Variants in ANO6 observed in about 807,000 individuals in gnomAD.
ANO6 encodes the protein anoctamin 6.
Under a neutral mutation model 117.5 loss-of-function variants are expected in ANO6, and 106 were observed. That is an observed-to-expected ratio of 0.90 (90% CI 0.77 to 1.06). The LOEUF is 1.06. Among genes scored for constraint, ANO6 ranks in the 50% least tolerant of loss-of-function variants. The pLI, the probability that ANO6 is intolerant of heterozygous loss-of-function variation, is 0.00. For synonymous variants in ANO6, 367 were observed against 385.1 expected, an observed-to-expected ratio of 0.95 and a Z score of 0.55; for missense variants, 955 against 1,121.1, an observed-to-expected ratio of 0.85 and a Z score of 2.12.
chr12:45,255,904 T>C (rs528092034), intron 1 of ANO6, among the ~76,000 whole-genome samples: 1 of 143,080 alleles, frequency 7.0e-6, no homozygotes, highest in African/African-American at 2.6e-5. Context: ...CACTGCAACC[T>C]CTGCCTCCTG....
At chr12:45,270,436 T>A in intron 1 of ANO6, 1 of 1,523,118 alleles carries the variant, frequency 6.6e-7, no homozygotes, top group East Asian at 2.5e-5. Flanking sequence ...GCCTGTTGTA[T>A]TTATTGATGC....
chr12:45,342,285 A>G (rs1312803534), intron 3 of ANO6, among the ~76,000 whole-genome samples: 2 of 152,298 alleles, frequency 1.3e-5, no homozygotes. Context: ...TCTGACTTGC[A>G]CTATTCAGCA....
At position 45,284,807 on chromosome 12, in the gene ANO6, C is replaced by T. The variant is rs183245211; in HGVS notation, c.71-17207C>T. On this transcript the variant is annotated intron_variant, in intron 1 of 19. Transcript: ENST00000320560. ...AAGTCTGATGCCTGTATAAATTTGG[C>T]GCATAAAAGGAAAGGACAAGGACAA... 9.4e-4 allele frequency among the ~76,000 whole-genome samples: 143 copies of T among 152,158 alleles called. 1 individual carries two copies. The highest frequency in any genetic ancestry group is 1.5e-3 in the Non-Finnish European group (99 of 68,004).
At chr12:45,310,054 G>A (rs1189313182) in intron 2 of ANO6, among the ~76,000 whole-genome samples, 2 of 152,120 alleles carry the variant, frequency 1.3e-5, no homozygotes, top group East Asian at 1.9e-4. Flanking sequence ...AGAACCGAAG[G>A]TGATGGAATG....
chr12:45,379,103 G>T (rs980438380), intron 10 of ANO6, among the ~76,000 whole-genome samples: 4 of 152,174 alleles, frequency 2.6e-5, no homozygotes, highest in African/African-American at 7.2e-5. Context: ...CAATTTCATT[G>T]TGTAAGTATG....
chr12:45,370,441 G>C (rs952228966), intron 9 of ANO6, among the ~76,000 whole-genome samples: 2 of 152,214 alleles, frequency 1.3e-5, no homozygotes, highest in Non-Finnish European at 2.9e-5. Flanking sequence ...TGACAGATGT[G>C]TTTCCATTGA....
At chr12:45,235,950 G>A (rs1947638342) in intron 1 of ANO6, among the ~76,000 whole-genome samples, 1 of 152,206 alleles carries the variant, frequency 6.6e-6, no homozygotes, top group Admixed American at 6.5e-5. Context: ...GCAGCCTCCA[G>A]TGCCCCTTCC....
At chr12:45,322,226 G>A (rs916127796) in intron 2 of ANO6, among the ~76,000 whole-genome samples, 1 of 152,048 alleles carries the variant, frequency 6.6e-6, no homozygotes, top group East Asian at 1.9e-4. Context: ...ACCCAAGTTG[G>A]TAGGAAGGCT....
rs147649547 is a variant in ANO6 at position 45,223,029 on chromosome 12, T to G, written c.70+6638T>G. On this transcript the variant is annotated intron_variant, in intron 1 of 19. Transcript: ENST00000320560. ...AACAGTGGAGGTACCTGAAGGTAGC[T>G]TGCCCTGGGAGGGCGTGAAAACTCA... Among the ~76,000 whole-genome samples, 212 of 152,366 alleles carry G rather than the reference T, an allele frequency of 1.4e-3. 1 individual carries two copies. Among genetic ancestry groups the G allele is most frequent in the African/African-American group, 4.9e-3 (205 of 41,590 alleles).
rs916793351 is a variant in ANO6 at position 45,245,793 on chromosome 12, G to T, written c.70+29402G>T. Among the ~76,000 whole-genome samples, 4 of 152,084 alleles carry T rather than the reference G, an allele frequency of 2.6e-5. No homozygotes were observed. The South Asian group carries it at 8.3e-4, about 32-fold the overall frequency. ...GTTAATGGAAATCTTATGATTTCAA[G>T]TAAAATTATTGTAATGTGTAAAATA... is the stretch of plus-strand genomic sequence containing the variant. On this transcript the variant is annotated intron_variant, in intron 1 of 19. Coordinates refer to ENST00000320560, the MANE Select transcript of ANO6 (RefSeq NM_001025356.3).
chr12:45,391,670 C>A (rs2137586805), intron 12 of ANO6, among the ~76,000 whole-genome samples: 1 of 152,254 alleles, frequency 6.6e-6, no homozygotes, highest in South Asian at 2.1e-4. Context: ...AGTTCGAGAT[C>A]AGCCTGGCCA....
chr12:45,267,571 C>T (rs888868086), intron 1 of ANO6, among the ~76,000 whole-genome samples: 6 of 152,066 alleles, frequency 3.9e-5, no homozygotes, highest in African/African-American at 1.5e-4. Context: ...GGGTGGATCA[C>T]TTGAGGGTCA....
intron 9 of ANO6, among the ~76,000 whole-genome samples, chr12:45,375,975 C>A (rs899070241): frequency 2.7e-5 from 4 of 149,002 alleles, no homozygotes; most frequent in African/African-American, 9.9e-5. Context: ...GGGCTAATAT[C>A]CAGAATCTAC....
chr12:45,429,629 TC>T lies in ANO6; in HGVS notation c.*319del. 1 of 1,168,594 alleles carries T rather than the reference TC, an allele frequency of 8.6e-7. No individual in the cohort carries two copies. Among genetic ancestry groups the T allele is most frequent in the South Asian group, 1.9e-5 (1 of 51,590 alleles). The allele number at this position is 1,168,594 out of a possible 1,614,324, so 72.4% of individuals were successfully genotyped here. A position where few individuals can be genotyped will look rare whatever the true frequency, so the allele number is the denominator to read the frequency against. On this transcript the variant is annotated 3_prime_UTR_variant, in exon 20 of 20. Coordinates refer to ENST00000320560, the MANE Select transcript of ANO6 (RefSeq NM_001025356.3). ...CTAAAGTAGAATGGATTCTTTTTTT[TC>T]TGTTTGATTATTTTCATTTCTGTCT... is the stretch of plus-strand genomic sequence containing the variant.
At chr12:45,261,006 A>G (rs1409897700) in intron 1 of ANO6, among the ~76,000 whole-genome samples, 1 of 151,574 alleles carries the variant, frequency 6.6e-6, no homozygotes, top group East Asian at 1.9e-4. Flanking sequence ...TGGTAGAGAT[A>G]TGGGGGTCTT....
intron 2 of ANO6, among the ~76,000 whole-genome samples, chr12:45,314,741 T>C (rs2137343645): frequency 6.6e-6 from 1 of 152,138 alleles, no homozygotes; most frequent in Non-Finnish European, 1.5e-5. Flanking sequence ...CACACAGAAA[T>C]GGAGAGTAAT....
At chr12:45,338,488 G>T (rs1224682127) in intron 3 of ANO6, among the ~76,000 whole-genome samples, 1 of 152,054 alleles carries the variant, frequency 6.6e-6, no homozygotes, top group South Asian at 2.1e-4. Context: ...CCAGTGTTGG[G>T]TGGTTTTACT....
At chr12:45,312,785 A>G (rs1939888108) in intron 2 of ANO6, among the ~76,000 whole-genome samples, 1 of 151,862 alleles carries the variant, frequency 6.6e-6, no homozygotes, top group African/African-American at 2.4e-5. Flanking sequence ...CTGACAGATT[A>G]TAATAACTAC....
At chr12:45,251,503 G>T (rs890326348) in intron 1 of ANO6, among the ~76,000 whole-genome samples, 1 of 152,226 alleles carries the variant, frequency 6.6e-6, no homozygotes, top group African/African-American at 2.4e-5. Flanking sequence ...GCTGGGTTCA[G>T]ATGGGGCTGT....
Sources: gnomAD v4.1 joint callset for allele counts (sites outside exome capture counted in the v4.1 genomes callset) on GRCh38, gnomAD v4.1.1 for gene constraint, MANE v1.5 for transcripts, NCBI Gene and HGNC (gene_info 2026-07-23, HGNC 2026-07-21) for gene names.